PRTG: variants seen among roughly 807,000 people sequenced by gnomAD.
PRTG encodes protogenin.
In PRTG, 67 loss-of-function variants were observed where a neutral mutation model predicts 122.5. That is an observed-to-expected ratio of 0.55 (90% confidence interval 0.45 to 0.67). The LOEUF (loss-of-function observed/expected upper bound fraction) is 0.67, where lower values mean the gene tolerates loss of function less well. PRTG is among the 30% of genes least tolerant of loss of function. The probability of loss-of-function intolerance (pLI) is 0.00; values close to 1 mark genes in which losing one functional copy is unlikely to be tolerated. For missense variants in PRTG, 1,435 were observed against 1,415.4 expected (o/e 1.01, Z -0.22); for synonymous variants, 554 against 501.1 (o/e 1.11, Z -1.41).
intron 2 of PRTG, among the ~76,000 whole-genome samples, chr15:55,731,429 G>A (rs2031229821): frequency 7.7e-6 from 1 of 129,294 alleles, no homozygotes; most frequent in Non-Finnish European, 1.7e-5. Context: ...GGAGTACAAC[G>A]GCATGCTCTC....
chr15:55,705,515 G>A (rs1466852502), intron 2 of PRTG, among the ~76,000 whole-genome samples: 2 of 152,178 alleles, frequency 1.3e-5, no homozygotes, highest in East Asian at 1.9e-4. Context: ...GTGCAGTGGC[G>A]CGATCTCAGC....
At chr15:55,707,915 G>T (rs1435578035) in intron 2 of PRTG, among the ~76,000 whole-genome samples, 1 of 152,080 alleles carries the variant, frequency 6.6e-6, no homozygotes, top group East Asian at 1.9e-4. Flanking sequence ...TTTTCCACAT[G>T]GCTTAATAGA....
intron 2 of PRTG, among the ~76,000 whole-genome samples, chr15:55,689,796 C>T (rs900246672): frequency 2.0e-4 from 30 of 152,034 alleles, no homozygotes; most frequent in African/African-American, 5.8e-4. Context: ...GGCATGGCGG[C>T]GTGCACCTGT....
chr15:55,742,780 C>T, intron 1 of PRTG, 58 bp downstream of exon 1: 2 of 1,534,128 alleles, frequency 1.3e-6, no homozygotes, highest in South Asian at 1.2e-5. Flanking sequence ...TTCCCCATCC[C>T]ACTCGCGCCC....
chr15:55,640,009 T>C (rs945244115), intron 12 of PRTG, 181 bp from the exon 13 acceptor site: 49 of 967,620 alleles, frequency 5.1e-5, no homozygotes, highest in Non-Finnish European at 5.9e-5. Context: ...GTGAGTTATA[T>C]AAGAAGTCAA....
chr15:55,737,939 G>T (rs759670635), intron 2 of PRTG, among the ~76,000 whole-genome samples: 89 of 148,346 alleles, frequency 6.0e-4, no homozygotes, highest in Non-Finnish European at 1.1e-3. Flanking sequence ...TTAAAAACAA[G>T]GGGGAAAAGA....
At chr15:55,690,457 G>A (rs1438220133) in intron 2 of PRTG, among the ~76,000 whole-genome samples, 1 of 152,228 alleles carries the variant, frequency 6.6e-6, no homozygotes. Context: ...TAAATGCTAT[G>A]AAGAAAAAGG....
chr15:55,636,532 A>G (rs999593374), intron 15 of PRTG, among the ~76,000 whole-genome samples: 3 of 151,974 alleles, frequency 2.0e-5, no homozygotes, highest in Non-Finnish European at 4.4e-5. Flanking sequence ...TATCCTTTCC[A>G]TCTTAATCCT....
At chr15:55,715,116 T>C (rs1408514156) in intron 2 of PRTG, among the ~76,000 whole-genome samples, 1 of 152,186 alleles carries the variant, frequency 6.6e-6, no homozygotes, top group Non-Finnish European at 1.5e-5. Flanking sequence ...AAAGGAACTG[T>C]TAAAAGTAAT....
chr15:55,640,906 T>C (rs1158889893), intron 12 of PRTG, among the ~76,000 whole-genome samples: 2 of 150,790 alleles, frequency 1.3e-5, no homozygotes, highest in East Asian at 1.9e-4. Context: ...TAGTCCCAGC[T>C]ACTCGAGAGG....
intron 11 of PRTG, among the ~76,000 whole-genome samples, chr15:55,652,825 G>A (rs748262611): frequency 6.6e-6 from 1 of 152,012 alleles, no homozygotes; most frequent in Non-Finnish European, 1.5e-5. Context: ...AAATCACACC[G>A]AGATGAGGGG....
chr15:55,705,951 G>A (rs1184059863), intron 2 of PRTG, among the ~76,000 whole-genome samples: 5 of 145,350 alleles, frequency 3.4e-5, no homozygotes, highest in African/African-American at 5.1e-5. Flanking sequence ...GGGTTCAAGC[G>A]ATTCCCCTGC....
Position 55,738,019 on chromosome 15 carries a change from TATATATACAC to T in PRTG, c.397+2353_397+2362del, listed in dbSNP as rs1404860348. ...CTCTCTCTCTATATATATATATATA[TATATATACAC>T]ACACACACACACACACACACACCAC... On this transcript the variant is annotated intron_variant, in intron 2 of 19. Coordinates refer to ENST00000389286, the MANE Select transcript of PRTG (RefSeq NM_173814.6). 6.1e-5 allele frequency among the ~76,000 whole-genome samples: 7 copies of T among 114,860 alleles called. No homozygotes were observed. In the South Asian group the frequency reaches 1.1e-3, roughly 18 times the overall value. 75.4% of individuals were successfully genotyped at this position (114,860 alleles called of 152,430 possible).
At chr15:55,674,027 G>T (rs753519984) in intron 9 of PRTG, among the ~76,000 whole-genome samples, 42 of 152,190 alleles carry the variant, frequency 2.8e-4, no homozygotes, top group Non-Finnish European at 5.1e-4. Flanking sequence ...AATTATACAA[G>T]GGTGGGGAAG....
intron 17 of PRTG, among the ~76,000 whole-genome samples, chr15:55,625,620 T>C (rs2059190264): frequency 6.7e-6 from 1 of 148,722 alleles, no homozygotes; most frequent in African/African-American, 2.6e-5. Context: ...GCTCAGCTAA[T>C]TTTAACTTTT....
intron 2 of PRTG, among the ~76,000 whole-genome samples, chr15:55,713,346 T>C (rs1264390973): frequency 6.6e-6 from 1 of 152,186 alleles, no homozygotes; most frequent in African/African-American, 2.4e-5. Flanking sequence ...ACCCCACGAT[T>C]TATTAGCCAT....
intron 2 of PRTG, among the ~76,000 whole-genome samples, chr15:55,716,875 T>C (rs1211477092): frequency 6.6e-6 from 1 of 152,180 alleles, no homozygotes; most frequent in East Asian, 1.9e-4. Context: ...GTACATATCT[T>C]CACCAAGCTT....
chr15:55,637,026 T>A (rs993281219), intron 15 of PRTG, 144 bp downstream of exon 15: 1 of 587,604 alleles, frequency 1.7e-6, no homozygotes, highest in Non-Finnish European at 2.7e-6. Flanking sequence ...GGCTTCCCGA[T>A]GCCCTTTGAA....
At chr15:55,633,046 T>C (rs561741285) in intron 15 of PRTG, among the ~76,000 whole-genome samples, 3 of 152,348 alleles carry the variant, frequency 2.0e-5, no homozygotes, top group Non-Finnish European at 4.4e-5. Context: ...AGGTATATGG[T>C]ATTCCTCCAA....
Sources: allele counts gnomAD v4.1 joint callset (sites outside exome capture counted in the v4.1 genomes callset), GRCh38; gene constraint gnomAD v4.1.1; transcripts MANE v1.5; gene names NCBI Gene and HGNC (gene_info 2026-07-23, HGNC 2026-07-21).